The following VPS13B variants were observed in gnomAD, a reference collection of about 807,000 sequenced individuals.
VPS13B encodes vacuolar protein sorting 13 homolog B.
VPS13B carries 285 observed loss-of-function variants against 426.4 expected under a neutral mutation model. That is an observed-to-expected ratio of 0.67 (90% CI 0.61 to 0.74). The LOEUF is 0.74. Ranked by LOEUF, VPS13B falls within the 30% of genes least tolerant of loss-of-function variation. The pLI is 0.00. For synonymous variants in VPS13B, 1,676 were observed against 1,676.4 expected, an observed-to-expected ratio of 1.00 and a Z score of 0.01; for missense variants, 4,537 against 4,782.6, an observed-to-expected ratio of 0.95 and a Z score of 1.51.
intron 43 of VPS13B, among the ~76,000 whole-genome samples, chr8:99,785,500 C>T (rs750253955): frequency 3.3e-5 from 5 of 152,142 alleles, no homozygotes; most frequent in Non-Finnish European, 7.4e-5. Flanking sequence ...ATTAATCTGA[C>T]AGGACACTGA....
chr8:99,288,919 G>T (rs1325642375), intron 19 of VPS13B, among the ~76,000 whole-genome samples: 1 of 151,942 alleles, frequency 6.6e-6, no homozygotes, highest in African/African-American at 2.4e-5. Context: ...AAGTTCAGCT[G>T]GGTGTGGTAG....
At chr8:99,688,574 G>A (rs1419710463) in intron 35 of VPS13B, among the ~76,000 whole-genome samples, 1 of 152,064 alleles carries the variant, frequency 6.6e-6, no homozygotes, top group African/African-American at 2.4e-5. Flanking sequence ...TGTCTGAGAG[G>A]AGTTAATGGA....
chr8:99,516,053 G>A (rs1283653034), intron 29 of VPS13B, among the ~76,000 whole-genome samples: 1 of 152,114 alleles, frequency 6.6e-6, no homozygotes, highest in Non-Finnish European at 1.5e-5. Context: ...TATCTGAGGT[G>A]TTATAAATAG....
intron 30 of VPS13B, among the ~76,000 whole-genome samples, chr8:99,538,489 T>TATGTGTGATTTGGGATA (rs1360827605): frequency 1.3e-5 from 2 of 152,122 alleles, no homozygotes; most frequent in Non-Finnish European, 2.9e-5. Context: ...AAGGAATATA[T>TATGTGTGATTTGGGATA]GCTCTGTTTT....
intron 60 of VPS13B, 85 bp from the exon 61 acceptor site, chr8:99,871,363 T>A: frequency 6.2e-7 from 1 of 1,603,962 alleles, no homozygotes; most frequent in Admixed American, 1.7e-5. Flanking sequence ...CTTGTGGAGG[T>A]TGCCCCATTG....
chr8:99,602,736 A>T (rs1217989264), intron 33 of VPS13B, among the ~76,000 whole-genome samples: 1 of 152,130 alleles, frequency 6.6e-6, no homozygotes, highest in East Asian at 1.9e-4. Context: ...CTATACACCA[A>T]TAATAGACAA....
chr8:99,599,256 C>T (rs181965396), intron 33 of VPS13B, among the ~76,000 whole-genome samples: 13 of 152,090 alleles, frequency 8.5e-5, no homozygotes, highest in Admixed American at 6.6e-4. Context: ...CCTGTCTCCC[C>T]GGGCCTCTCC....
chr8:99,759,943 C>CT (rs1224909046), intron 39 of VPS13B, among the ~76,000 whole-genome samples: 1 of 151,974 alleles, frequency 6.6e-6, no homozygotes, highest in African/African-American at 2.4e-5. Context: ...ACGCTTGTCT[C>CT]TTTTTTTCTT....
At chr8:99,224,153 C>A (rs1815885809) in intron 17 of VPS13B, among the ~76,000 whole-genome samples, 1 of 152,106 alleles carries the variant, frequency 6.6e-6, no homozygotes, top group African/African-American at 2.4e-5. Context: ...TGAGCTGTGA[C>A]ATAACTGTTG....
chr8:99,176,860 G>A (rs539489927), intron 16 of VPS13B, among the ~76,000 whole-genome samples: 118 of 152,286 alleles, frequency 7.7e-4, no homozygotes, highest in Non-Finnish European at 1.2e-3. Flanking sequence ...TGAAGGTGAA[G>A]AATTTAATGC....
chr8:99,839,200 T>G (rs1312984865), intron 54 of VPS13B, among the ~76,000 whole-genome samples: 1 of 152,238 alleles, frequency 6.6e-6, no homozygotes, highest in Non-Finnish European at 1.5e-5. Flanking sequence ...TCTCATGATC[T>G]TTGACTCTTA....
At chr8:99,177,847 A>G (rs1355782975) in intron 16 of VPS13B, among the ~76,000 whole-genome samples, 1 of 152,212 alleles carries the variant, frequency 6.6e-6, no homozygotes, top group Non-Finnish European at 1.5e-5. Context: ...GAATAATTAT[A>G]TTGACTTTTC....
intron 19 of VPS13B, among the ~76,000 whole-genome samples, chr8:99,375,050 G>C (rs938579166): frequency 3.3e-5 from 5 of 152,134 alleles, no homozygotes; most frequent in African/African-American, 1.2e-4. Flanking sequence ...TTCACCGGGG[G>C]TCTTTCTCAT....
At chr8:99,803,577 C>A (rs1005681152) in intron 43 of VPS13B, among the ~76,000 whole-genome samples, 5 of 152,248 alleles carry the variant, frequency 3.3e-5, no homozygotes, top group African/African-American at 1.2e-4. Flanking sequence ...AAAGGATATG[C>A]AGGGCCCTCA....
intron 23 of VPS13B, 33 bp downstream of exon 23, chr8:99,442,668 G>A (rs763808807): frequency 8.2e-6 from 13 of 1,583,372 alleles, no homozygotes; most frequent in Non-Finnish European, 1.1e-5. Flanking sequence ...TATGGTTAAT[G>A]TTTTATATGG....
chr8:99,728,308 C>G (rs1263980079), intron 39 of VPS13B, among the ~76,000 whole-genome samples: 2 of 152,254 alleles, frequency 1.3e-5, no homozygotes, highest in African/African-American at 2.4e-5. Flanking sequence ...TTGGCCTTTC[C>G]CTGATGACAT....
rs1486965261 is a variant in VPS13B, at chr8:99,203,430, GCATTCC to G, written c.2515+10375_2515+10380del. 1.6e-4 allele frequency among the ~76,000 whole-genome samples: 24 copies of G among 152,152 alleles called. 1 individual carries two copies. Among genetic ancestry groups the G allele is most frequent in the Admixed American group, 1.6e-3 (24 of 15,258 alleles). On this transcript the variant is annotated intron_variant, in intron 17 of 61. Coordinates refer to ENST00000357162, the MANE Select transcript of VPS13B (RefSeq NM_152564.5). ...CATACTGAACAGGCAAAAGCTGGAAGCATTCCCTTTGAAAACTGGCACAAGACAAGT... is the reference window on the plus strand; with the variant it reads ...CATACTGAACAGGCAAAAGCTGGAAGCTTTGAAAACTGGCACAAGACAAGT...
At chr8:99,783,937 G>A (rs1423986766) in intron 42 of VPS13B, among the ~76,000 whole-genome samples, 2 of 152,144 alleles carry the variant, frequency 1.3e-5, no homozygotes, top group Non-Finnish European at 2.9e-5. Flanking sequence ...TTTAGAAGCT[G>A]GGAACATGGT....
chr8:99,145,937 A>G (rs1810702992), intron 13 of VPS13B, among the ~76,000 whole-genome samples: 1 of 152,204 alleles, frequency 6.6e-6, no homozygotes. Flanking sequence ...TGTGTGATCC[A>G]GCTTCTTTAC....
Sources: gnomAD v4.1 joint callset for allele counts (sites outside exome capture counted in the v4.1 genomes callset) on GRCh38, gnomAD v4.1.1 for gene constraint, MANE v1.5 for transcripts, NCBI Gene and HGNC (gene_info 2026-07-23, HGNC 2026-07-21) for gene names.